CELF4: variants seen among roughly 807,000 people sequenced by gnomAD.
The protein encoded by CELF4 is CUG-BP- and ETR-3-like factor 4.
A neutral mutation model predicts 59.9 loss-of-function variants in CELF4; 18 were observed. That is an observed-to-expected ratio of 0.30 (90% CI 0.21 to 0.45). The LOEUF (loss-of-function observed/expected upper bound fraction) is 0.45, where lower values mean the gene tolerates loss of function less well. Among genes scored for constraint, CELF4 ranks in the 20% least tolerant of loss-of-function variants. The pLI is 1.00. For synonymous variants in CELF4, 261 were observed against 267.1 expected, an observed-to-expected ratio of 0.98 and a Z score of 0.22; for missense variants, 456 against 689.0, an observed-to-expected ratio of 0.66 and a Z score of 3.79.
At chr18:37,383,050 G>GTATGTATT (rs1350650645) in intron 2 of CELF4, among the ~76,000 whole-genome samples, 1 of 150,066 alleles carries the variant, frequency 6.7e-6, no homozygotes, top group Non-Finnish European at 1.5e-5. Flanking sequence ...ATGTATGTAT[G>GTATGTATT]TATGTATGTA....
At chr18:37,260,725 T>A (rs1385299005) in intron 10 of CELF4, among the ~76,000 whole-genome samples, 1 of 152,116 alleles carries the variant, frequency 6.6e-6, no homozygotes, top group Non-Finnish European at 1.5e-5. Context: ...TCTATCTCTA[T>A]TCCCTCAAGG....
At chr18:37,533,493 C>A (rs371044989) in intron 1 of CELF4, among the ~76,000 whole-genome samples, 1 of 152,254 alleles carries the variant, frequency 6.6e-6, no homozygotes, top group Non-Finnish European at 1.5e-5. Flanking sequence ...AATTCAGGGG[C>A]TGGCTTAAGA....
At chr18:37,410,592 GTC>G (rs1021200657) in intron 2 of CELF4, among the ~76,000 whole-genome samples, 2 of 152,250 alleles carry the variant, frequency 1.3e-5, no homozygotes, top group African/African-American at 4.8e-5. Context: ...GGTGAGAGCT[GTC>G]TCTGCACATA....
chr18:37,450,683 AC>A (rs2099760894), intron 2 of CELF4, among the ~76,000 whole-genome samples: 1 of 150,610 alleles, frequency 6.6e-6, no homozygotes, highest in Admixed American at 6.6e-5. Context: ...AGCCTCGCTG[AC>A]CCTACGGGGC....
chr18:37,421,201 G>A (rs1603638148), intron 2 of CELF4, among the ~76,000 whole-genome samples: 2 of 152,338 alleles, frequency 1.3e-5, no homozygotes, highest in East Asian at 3.9e-4. Context: ...CACTCTCTCA[G>A]TCTGTTGAGA....
At chr18:37,463,552 G>C (rs1032482435) in intron 2 of CELF4, among the ~76,000 whole-genome samples, 1 of 152,222 alleles carries the variant, frequency 6.6e-6, no homozygotes, top group Non-Finnish European at 1.5e-5. Flanking sequence ...ATAATTGGAA[G>C]TGGAAACAGA....
chr18:37,352,701 G>T (rs644603), intron 2 of CELF4, among the ~76,000 whole-genome samples: 3 of 152,120 alleles, frequency 2.0e-5, no homozygotes, highest in Non-Finnish European at 4.4e-5. Context: ...TCAGCCACCA[G>T]ATTAGGTCAG....
At chr18:37,332,170 G>A (rs2097566951) in intron 2 of CELF4, among the ~76,000 whole-genome samples, 1 of 152,120 alleles carries the variant, frequency 6.6e-6, no homozygotes, top group Admixed American at 6.5e-5. Context: ...TACATAGGAG[G>A]TGCTTGATGA....
chr18:37,325,265 G>T (rs573602782), intron 2 of CELF4, among the ~76,000 whole-genome samples: 1 of 152,294 alleles, frequency 6.6e-6, no homozygotes, highest in South Asian at 2.1e-4. Context: ...TGGGAGGAAG[G>T]CTGGGACCAC....
chr18:37,531,482 C>G (rs2099969556), intron 1 of CELF4, among the ~76,000 whole-genome samples: 1 of 152,208 alleles, frequency 6.6e-6, no homozygotes, highest in African/African-American at 2.4e-5. Context: ...AGAATTATAT[C>G]CACTCCGTGT....
intron 3 of CELF4, among the ~76,000 whole-genome samples, chr18:37,311,102 G>A (rs1288133893): frequency 6.6e-6 from 1 of 152,172 alleles, no homozygotes; most frequent in Non-Finnish European, 1.5e-5. Context: ...CGGGGCCACA[G>A]GGAATTTGTC....
intron 1 of CELF4, among the ~76,000 whole-genome samples, chr18:37,532,268 T>C (rs2099970171): frequency 6.6e-6 from 1 of 152,250 alleles, no homozygotes; most frequent in Non-Finnish European, 1.5e-5. Context: ...GGAGACAGCC[T>C]TTCTTCTTCT....
At chr18:37,344,454 G>A (rs2098174701) in intron 2 of CELF4, among the ~76,000 whole-genome samples, 1 of 152,232 alleles carries the variant, frequency 6.6e-6, no homozygotes, top group African/African-American at 2.4e-5. Flanking sequence ...TGGCTCCCTG[G>A]GTTTTAAAAT....
chr18:37,424,169 G>C (rs1261939533), intron 2 of CELF4, among the ~76,000 whole-genome samples: 1 of 152,166 alleles, frequency 6.6e-6, no homozygotes, highest in Non-Finnish European at 1.5e-5. Context: ...TCCTGCAAGG[G>C]CCTGATTTGC....
rs1337208967 is a variant in CELF4 at position 37,481,342 on chromosome 18, C to T, written c.369+4183G>A. Among the ~76,000 whole-genome samples the T allele has an allele frequency of 2.6e-5, 4 of 152,172 alleles. 1 individual carries two copies. The highest frequency in any genetic ancestry group is 9.7e-5 in the African/African-American group (4 of 41,428). On this transcript the variant is annotated intron_variant, in intron 2 of 12. Transcript: ENST00000420428. ...CTGGCTGGACCCAGCTCTTCCCCTGCCAGCCCTGGTGAGAAGCCCTTTCTG... is the reference window on the plus strand; with the variant it reads ...CTGGCTGGACCCAGCTCTTCCCCTGTCAGCCCTGGTGAGAAGCCCTTTCTG...
intron 2 of CELF4, among the ~76,000 whole-genome samples, chr18:37,401,561 A>C (rs1306956330): frequency 6.6e-6 from 1 of 152,222 alleles, no homozygotes; most frequent in South Asian, 2.1e-4. Context: ...CTTATGAGCC[A>C]GTTCTCTTGA....
chr18:37,473,333 G>A (rs531461778), intron 2 of CELF4: 1 of 152,186 alleles, frequency 6.6e-6, no homozygotes, highest in Non-Finnish European at 1.5e-5. Flanking sequence ...GAGACCACTG[G>A]TGCAACTGTC....
intron 2 of CELF4, among the ~76,000 whole-genome samples, chr18:37,355,919 C>T (rs1385971987): frequency 6.6e-6 from 1 of 152,204 alleles, no homozygotes; most frequent in African/African-American, 2.4e-5. Flanking sequence ...GGGATACCTA[C>T]ATGAGATGGG....
chr18:37,498,034 A>T (rs2099927170), intron 1 of CELF4, among the ~76,000 whole-genome samples: 1 of 152,054 alleles, frequency 6.6e-6, no homozygotes, highest in South Asian at 2.1e-4. Context: ...CTTGAGAAGG[A>T]GGTTACTCAA....
Sources: allele counts gnomAD v4.1 joint callset (sites outside exome capture counted in the v4.1 genomes callset), GRCh38; gene constraint gnomAD v4.1.1; transcripts MANE v1.5; gene names NCBI Gene and HGNC (gene_info 2026-07-23, HGNC 2026-07-21).